The following SPAG6 variants were observed in gnomAD, a reference collection of about 807,000 sequenced individuals.
SPAG6 encodes the protein sperm-associated antigen 6.
A neutral mutation model predicts 58.5 loss-of-function variants in SPAG6; 49 were observed. That is an observed-to-expected ratio of 0.84 (90% CI 0.67 to 1.06). The LOEUF is 1.06. SPAG6 is among the 50% of genes least tolerant of loss of function. The pLI is 0.00. For synonymous variants in SPAG6, 233 were observed against 225.6 expected (o/e 1.03, Z -0.29); for missense variants, 560 against 611.3 (o/e 0.92, Z 0.89).
At chr10:22,410,990 G>A in intron 9 of SPAG6, 41 bp from the exon 10 acceptor site, 1 of 1,579,546 alleles carries the variant, frequency 6.3e-7, no homozygotes, top group Non-Finnish European at 8.6e-7. Context: ...AATCTAACTT[G>A]GAAAAGAAAA....
intron 4 of SPAG6, among the ~76,000 whole-genome samples, chr10:22,374,478 T>C (rs1278898796): frequency 6.6e-6 from 1 of 151,886 alleles, no homozygotes; most frequent in East Asian, 1.9e-4. Context: ...AAATGAAAGA[T>C]GAATTATAAC....
intron 4 of SPAG6, among the ~76,000 whole-genome samples, chr10:22,377,622 C>G (rs1373884798): frequency 6.6e-6 from 1 of 152,226 alleles, no homozygotes; most frequent in Non-Finnish European, 1.5e-5. Context: ...GCTGAATCCT[C>G]AGGAATAAAA....
intron 9 of SPAG6, among the ~76,000 whole-genome samples, chr10:22,409,915 C>T (rs1231986147): frequency 2.0e-5 from 3 of 152,158 alleles, no homozygotes; most frequent in African/African-American, 4.8e-5. Flanking sequence ...TTCTATCCTA[C>T]CGTGGTCTAC....
At position 22,368,570 on chromosome 10, in the gene SPAG6, G is replaced by A; in HGVS notation, c.364G>A (p.Val122Ile). Residue 122 changes from valine to isoleucine, a missense_variant, in exon 4 of 11, where the codon GTC becomes ATC. Val to Ile is a conservative substitution (Grantham distance 29, BLOSUM62 3). Coordinates refer to ENST00000376624, the MANE Select transcript of SPAG6 (RefSeq NM_012443.4). The stretch of plus-strand genomic sequence containing the variant: ...TTCTCCCCAGCTAGCTCAGGCAATA[G>A]TCGATTGTGGAGCACTGGATACGCT... ...KHSPQLAQAI[V>I]DCGALDTLVI... 6.2e-7 allele frequency: 1 copy of A among 1,614,020 alleles called. No homozygotes were observed. Among genetic ancestry groups the A allele is most frequent in the Non-Finnish European group, 8.5e-7 (1 of 1,179,982 alleles).
intron 2 of SPAG6, among the ~76,000 whole-genome samples, chr10:22,352,193 A>ATGTGTGTGTGCGTGTATG (rs1836747315): frequency 6.6e-6 from 1 of 151,604 alleles, no homozygotes. Context: ...AACAAGTGAT[A>ATGTGTGTGTGCGTGTATG]TGTGTGTGTG....
At chr10:22,354,324 CA>C (rs1186591422) in intron 2 of SPAG6, among the ~76,000 whole-genome samples, 2 of 152,148 alleles carry the variant, frequency 1.3e-5, no homozygotes, top group Non-Finnish European at 2.9e-5. Context: ...GAGATGACTT[CA>C]AGATGCCTCC....
chr10:22,408,709 G>C (rs1172915143), intron 9 of SPAG6, among the ~76,000 whole-genome samples: 1 of 152,232 alleles, frequency 6.6e-6, no homozygotes, highest in Non-Finnish European at 1.5e-5. Context: ...GCAAGCCTGG[G>C]CAATGGCGGG....
At position 22,417,123 on chromosome 10, in the gene SPAG6, G is replaced by C. The variant is rs2130660074; in HGVS notation, c.*435G>C. ...ATACACAAGAGAAATCTTTGAAGGA[G>C]GAAACTGATGACAGATATACAGGGC... On this transcript the variant is annotated 3_prime_UTR_variant, in exon 11 of 11. Coordinates refer to ENST00000376624, the MANE Select transcript of SPAG6 (RefSeq NM_012443.4). 6.5e-6 allele frequency: 1 copy of C among 152,994 alleles called. No homozygotes were observed. Among genetic ancestry groups the C allele is most frequent in the Non-Finnish European group, 1.5e-5 (1 of 68,536 alleles). 9.5% of individuals were successfully genotyped at this position (152,994 alleles called of 1,614,324 possible). A position where few individuals can be genotyped will look rare whatever the true frequency, so the allele number is the denominator to read the frequency against.
At chr10:22,413,300 G>A (rs534369737) in intron 10 of SPAG6, among the ~76,000 whole-genome samples, 4 of 152,040 alleles carry the variant, frequency 2.6e-5, no homozygotes, top group South Asian at 2.1e-4. Flanking sequence ...TTGGGAGGCC[G>A]AGGCGTGGGG....
chr10:22,416,458 C>A (rs1426672492), intron 10 of SPAG6, among the ~76,000 whole-genome samples, 161 bp from the exon 11 acceptor site: 1 of 152,142 alleles, frequency 6.6e-6, no homozygotes, highest in South Asian at 2.1e-4. Flanking sequence ...TCCTGGATAG[C>A]CTCTAACTTT....
chr10:22,350,698 A>G (rs1836701618), intron 2 of SPAG6, among the ~76,000 whole-genome samples: 1 of 152,156 alleles, frequency 6.6e-6, no homozygotes, highest in East Asian at 1.9e-4. Context: ...TTGATGCCTC[A>G]AGGAAATCTT....
At chr10:22,380,137 C>G (rs1833915201) in intron 4 of SPAG6, among the ~76,000 whole-genome samples, 1 of 152,128 alleles carries the variant, frequency 6.6e-6, no homozygotes, top group South Asian at 2.1e-4. Context: ...CAAAATCATG[C>G]TGGAGTTACC....
At chr10:22,371,796 C>T (rs1485633305) in intron 4 of SPAG6, among the ~76,000 whole-genome samples, 3 of 152,240 alleles carry the variant, frequency 2.0e-5, no homozygotes, top group African/African-American at 7.2e-5. Context: ...TGGGCATTAC[C>T]TGACTTTTCC....
intron 10 of SPAG6, among the ~76,000 whole-genome samples, chr10:22,415,248 A>G (rs1445693920): frequency 6.6e-6 from 1 of 150,522 alleles, no homozygotes; most frequent in Non-Finnish European, 1.5e-5. Flanking sequence ...ATATGTTAAT[A>G]TGGTAAATTA....
intron 5 of SPAG6, among the ~76,000 whole-genome samples, chr10:22,387,310 G>A (rs114643659): frequency 0.018 from 2,696 of 152,146 alleles, 79 homozygotes; most frequent in African/African-American, 0.061. Flanking sequence ...ATTTATCTTA[G>A]CCTTTTTTAT....
At chr10:22,388,070 A>C in intron 6 of SPAG6, 74 bp downstream of exon 6, 2 of 1,240,640 alleles carry the variant, frequency 1.6e-6, no homozygotes, top group Admixed American at 2.4e-5. Context: ...CAATTTGTTT[A>C]TAGGGCCTAG....
Position 22,368,626 on chromosome 10 carries a change from A to G in SPAG6, c.420A>G (p.Gly140=). Reference sequence around the variant, plus strand: ...TATGCTTGGAAGATTTTGACCCTGGAGTCAAGGAGGCTGCAGCCTGGGCAC... The same window carrying G: ...TATGCTTGGAAGATTTTGACCCTGGGGTCAAGGAGGCTGCAGCCTGGGCAC... ...LVICLEDFDP[G]VKEAAAWALR... is the part of the protein sequence containing the mutation. Residue 140 remains glycine (G), a synonymous_variant, in exon 4 of 11, where the codon GGA becomes GGG. Coordinates refer to ENST00000376624, the MANE Select transcript of SPAG6 (RefSeq NM_012443.4). 2 of 1,613,944 alleles carry G rather than the reference A, an allele frequency of 1.2e-6. No homozygotes were observed. Among genetic ancestry groups the G allele is most frequent in the Non-Finnish European group, 1.7e-6 (2 of 1,179,938 alleles).
intron 4 of SPAG6, among the ~76,000 whole-genome samples, chr10:22,386,036 G>A (rs1834056358): frequency 6.6e-6 from 1 of 152,042 alleles, no homozygotes; most frequent in South Asian, 2.1e-4. Context: ...TGCTATTTTT[G>A]TAGCTGTTAT....
chr10:22,394,439 C>T (rs1211168338), intron 8 of SPAG6, among the ~76,000 whole-genome samples: 1 of 152,096 alleles, frequency 6.6e-6, no homozygotes. Flanking sequence ...GTTGTTCCCC[C>T]TTCATTTTTT....
Sources: gnomAD v4.1 joint callset for allele counts (sites outside exome capture counted in the v4.1 genomes callset) on GRCh38, gnomAD v4.1.1 for gene constraint, MANE v1.5 for transcripts, NCBI Gene and HGNC (gene_info 2026-07-23, HGNC 2026-07-21) for gene names.